Variants in DLGAP1 observed in about 807,000 individuals in gnomAD.
The protein encoded by DLGAP1 is DLG associated protein 1, also known as disks large-associated protein 1.
A neutral mutation model predicts 90.8 loss-of-function variants in DLGAP1; 11 were observed. The ratio of observed to expected loss-of-function variants is 0.12; its 90% CI spans 0.08 to 0.20. DLGAP1 has a LOEUF of 0.20. Among genes scored for constraint, DLGAP1 ranks in the 10% least tolerant of loss-of-function variants. The probability of loss-of-function intolerance (pLI) is 1.00; values close to 1 mark genes in which losing one functional copy is unlikely to be tolerated. For missense variants in DLGAP1, 1,050 were observed against 1,333.8 expected (o/e 0.79, Z 3.31); for synonymous variants, 558 against 540.7 (o/e 1.03, Z -0.44).
Position 3,860,174 on chromosome 18 carries a change from G to T in DLGAP1, c.957+18938C>A, listed in dbSNP as rs79265575. ...GGGCATTTTGTTATTGCAGCCATAG[G>T]AAGTTAATACAGATGCTGAAGGGTT... On this transcript the variant is annotated intron_variant, in intron 4 of 12. Coordinates refer to ENST00000315677, the MANE Select transcript of DLGAP1 (RefSeq NM_004746.4). Among the ~76,000 whole-genome samples the T allele has an allele frequency of 9.5e-3, 1,443 of 152,214 alleles. 61 individuals carry two copies. The highest frequency in any genetic ancestry group is 0.07 in the East Asian group (362 of 5,180).
intron 2 of DLGAP1, among the ~76,000 whole-genome samples, chr18:4,120,136 A>T (rs532762258): frequency 6.6e-6 from 1 of 152,388 alleles, no homozygotes; most frequent in African/African-American, 2.4e-5. Flanking sequence ...AAGATTAATT[A>T]TAATGCTATT....
At chr18:3,933,190 G>A (rs1241357887) in intron 3 of DLGAP1, among the ~76,000 whole-genome samples, 1 of 152,210 alleles carries the variant, frequency 6.6e-6, no homozygotes, top group Non-Finnish European at 1.5e-5. Flanking sequence ...CTCTTCCTGA[G>A]TCACCATCTT....
intron 3 of DLGAP1, among the ~76,000 whole-genome samples, chr18:3,924,019 G>A (rs1219205353): frequency 6.6e-6 from 1 of 152,194 alleles, no homozygotes; most frequent in East Asian, 1.9e-4. Flanking sequence ...ACATTTGAGA[G>A]TTCAGCCACA....
intron 7 of DLGAP1, among the ~76,000 whole-genome samples, chr18:3,699,049 T>C (rs939789962): frequency 1.3e-5 from 2 of 152,088 alleles, no homozygotes; most frequent in African/African-American, 2.4e-5. Context: ...CCTCTAACCT[T>C]TTTTCAAGGT....
At chr18:3,652,953 G>A (rs975519111) in intron 7 of DLGAP1, among the ~76,000 whole-genome samples, 6 of 152,122 alleles carry the variant, frequency 3.9e-5, no homozygotes, top group Non-Finnish European at 7.3e-5. Flanking sequence ...ACACCACTTC[G>A]GTTGGACCAA....
chr18:3,741,140 A>AC (rs1313964869), intron 6 of DLGAP1, among the ~76,000 whole-genome samples: 1 of 90,412 alleles, frequency 1.1e-5, no homozygotes, highest in Non-Finnish European at 2.2e-5. Flanking sequence ...CCACCACATC[A>AC]CCATCACCAT....
At chr18:3,790,711 T>G (rs1472805262) in intron 5 of DLGAP1, among the ~76,000 whole-genome samples, 1 of 152,208 alleles carries the variant, frequency 6.6e-6, no homozygotes, top group Non-Finnish European at 1.5e-5. Flanking sequence ...TTAAATTGGA[T>G]ATATCCACGA....
At chr18:4,221,915 C>T (rs1437695686) in intron 1 of DLGAP1, among the ~76,000 whole-genome samples, 1 of 152,152 alleles carries the variant, frequency 6.6e-6, no homozygotes, top group South Asian at 2.1e-4. Flanking sequence ...TTGATCACTA[C>T]CTTCTTTTTG....
chr18:4,288,136 A>C (rs2079750512), intron 1 of DLGAP1, among the ~76,000 whole-genome samples: 1 of 152,174 alleles, frequency 6.6e-6, no homozygotes, highest in Admixed American at 6.5e-5. Flanking sequence ...ATATGTATAC[A>C]TGTGCCATGC....
At chr18:3,535,074 G>C (rs976336440) in intron 9 of DLGAP1, among the ~76,000 whole-genome samples, 81 of 40,774 alleles carry the variant, frequency 2.0e-3, no homozygotes, top group East Asian at 5.5e-3. Flanking sequence ...AATCTTCTCT[G>C]TGTGTGTGTG....
intron 7 of DLGAP1, among the ~76,000 whole-genome samples, chr18:3,690,179 T>A (rs1183443865): frequency 2.0e-5 from 3 of 148,416 alleles, no homozygotes; most frequent in Non-Finnish European, 4.4e-5. Context: ...CTCGAACTCC[T>A]GGGCTTAAGT....
At chr18:3,738,851 G>T (rs2062772906) in intron 6 of DLGAP1, among the ~76,000 whole-genome samples, 1 of 147,448 alleles carries the variant, frequency 6.8e-6, no homozygotes, top group South Asian at 2.2e-4. Context: ...CTACAAAATG[G>T]GAGAAAATTT....
intron 7 of DLGAP1, among the ~76,000 whole-genome samples, chr18:3,635,425 C>T (rs1017510427): frequency 2.0e-5 from 3 of 151,494 alleles, no homozygotes; most frequent in African/African-American, 7.3e-5. Flanking sequence ...AGGCGTGAGC[C>T]ACCGCGCCCG....
intron 1 of DLGAP1, among the ~76,000 whole-genome samples, chr18:4,168,158 T>C (rs941481330): frequency 2.6e-5 from 4 of 152,132 alleles, no homozygotes; most frequent in Non-Finnish European, 5.9e-5. Flanking sequence ...AGTATAGAAA[T>C]GGAGAACTCA....
chr18:4,216,030 C>T (rs1249622444), intron 1 of DLGAP1, among the ~76,000 whole-genome samples: 2 of 152,112 alleles, frequency 1.3e-5, no homozygotes, highest in Admixed American at 6.6e-5. Context: ...CATTCTCACG[C>T]TGCTAATAAA....
At chr18:3,898,044 T>C (rs1215090251) in intron 3 of DLGAP1, among the ~76,000 whole-genome samples, 1 of 152,144 alleles carries the variant, frequency 6.6e-6, no homozygotes, top group African/African-American at 2.4e-5. Flanking sequence ...TCCGCCCGCC[T>C]TGGCCTCCCA....
chr18:3,805,192 C>T (rs1242824016), intron 5 of DLGAP1, among the ~76,000 whole-genome samples: 2 of 152,186 alleles, frequency 1.3e-5, no homozygotes, highest in African/African-American at 2.4e-5. Flanking sequence ...TGCACCTTCT[C>T]GAATCTGCAT....
At position 3,580,033 on chromosome 18, in the gene DLGAP1, T is replaced by C. The variant is rs200544836; in HGVS notation, c.1965+1842A>G. On this transcript the variant is annotated intron_variant, in intron 8 of 12. Transcript: ENST00000315677. ...CCACTCTCTTTTCTAAAAATAGAAA[T>C]GTGCGTTAGGAATTAAAAGCACCTC... The C allele has an allele frequency of 1.2e-4, 78 of 641,844 alleles. No individual in the cohort carries two copies. The East Asian group carries it at 1.8e-3, about 15-fold the overall frequency. 39.8% of individuals were successfully genotyped at this position (641,844 alleles called of 1,614,324 possible).
intron 7 of DLGAP1, chr18:3,654,765 G>A (rs1254999196): frequency 6.6e-6 from 1 of 152,162 alleles, no homozygotes; most frequent in Non-Finnish European, 1.5e-5. Context: ...AAGCGAACTT[G>A]AATTTCTGCT....
Sources: allele counts gnomAD v4.1 joint callset (sites outside exome capture counted in the v4.1 genomes callset), GRCh38; gene constraint gnomAD v4.1.1; transcripts MANE v1.5; gene names NCBI Gene and HGNC (gene_info 2026-07-23, HGNC 2026-07-21).